DNAH12: variants seen among roughly 807,000 people sequenced by gnomAD.
DNAH12 encodes the protein dynein axonemal heavy chain 12.
In DNAH12, 285 loss-of-function variants were observed where a neutral mutation model predicts 371.5. That is an observed-to-expected ratio of 0.77 (90% CI 0.70 to 0.85). The LOEUF is 0.85. Ranked by LOEUF, DNAH12 falls within the 40% of genes least tolerant of loss-of-function variation. The probability of loss-of-function intolerance (pLI) is 0.00; values close to 1 mark genes in which losing one functional copy is unlikely to be tolerated. For missense variants in DNAH12, 3,611 were observed against 3,689.4 expected (o/e 0.98, Z 0.55); for synonymous variants, 1,200 against 1,213.0 (o/e 0.99, Z 0.22).
chr3:57,502,542 A>T, intron 9 of DNAH12, 63 bp from the exon 10 acceptor site: 1 of 1,450,794 alleles, frequency 6.9e-7, no homozygotes, highest in South Asian at 1.2e-5. Context: ...ATTAATCTAT[A>T]TGTAGATCTT....
intron 35 of DNAH12, among the ~76,000 whole-genome samples, chr3:57,424,470 CAA>C (rs71088068): frequency 2.5e-5 from 3 of 118,344 alleles, no homozygotes; most frequent in Non-Finnish European, 1.7e-5. Context: ...GATTCCATCT[CAA>C]AAAAAAAAAA....
At chr3:57,371,414 G>C (rs1311618839) in intron 55 of DNAH12, among the ~76,000 whole-genome samples, 1 of 151,994 alleles carries the variant, frequency 6.6e-6, no homozygotes, top group East Asian at 1.9e-4. Context: ...CTTTAAAAAT[G>C]TATTTGTATT....
intron 13 of DNAH12, among the ~76,000 whole-genome samples, chr3:57,483,082 C>A (rs2066803633): frequency 8.2e-6 from 1 of 122,024 alleles, no homozygotes; most frequent in Non-Finnish European, 1.7e-5. Flanking sequence ...AATAAAAAAA[C>A]AAAGCTGTGC....
At chr3:57,338,077 A>G (rs547803441) in intron 60 of DNAH12, among the ~76,000 whole-genome samples, 55 of 152,078 alleles carry the variant, frequency 3.6e-4, no homozygotes, top group African/African-American at 1.2e-3. Flanking sequence ...TACTGCCGTG[A>G]TCTTGGCTCG....
At chr3:57,327,512 G>C (rs1001494883) in intron 62 of DNAH12, among the ~76,000 whole-genome samples, 2 of 152,082 alleles carry the variant, frequency 1.3e-5, no homozygotes, top group Non-Finnish European at 2.9e-5. Flanking sequence ...TGAAACCAAC[G>C]AGAACAAAGA....
At chr3:57,316,645 A>C (rs544784815) in intron 65 of DNAH12, among the ~76,000 whole-genome samples, 1 of 152,236 alleles carries the variant, frequency 6.6e-6, no homozygotes, top group South Asian at 2.1e-4. Flanking sequence ...GGAGGGACCT[A>C]TAATCCCTGC....
intron 45 of DNAH12, among the ~76,000 whole-genome samples, chr3:57,389,486 T>A (rs1485101044): frequency 6.6e-6 from 1 of 152,138 alleles, no homozygotes; most frequent in Non-Finnish European, 1.5e-5. Context: ...ATTCACGTTC[T>A]TTCCGTCTTG....
chr3:57,380,284 G>A lies in DNAH12; in HGVS notation c.8076C>T (p.Asn2692=), dbSNP rs2063362171. The change falls in exon 51 of 74, where the codon AAC becomes AAT. Residue 2692 remains asparagine, a synonymous_variant. Transcript: ENST00000495027. ...AAAACCCAATGCAACTCACTGGAAT[G>A]TTGTCCTTGTCATATTCTTTCAAAT... ...LRDLKEYDKD[N]IPVTVMQKIR... is the part of the protein sequence containing the mutation. The A allele has an allele frequency of 6.6e-6, 1 of 152,140 alleles. No homozygotes were observed. The highest frequency in any genetic ancestry group is 1.5e-5 in the Non-Finnish European group (1 of 68,026). 9.4% of individuals were successfully genotyped at this position (152,140 alleles called of 1,614,324 possible). A position where few individuals can be genotyped will look rare whatever the true frequency, so the allele number is the denominator to read the frequency against.
intron 13 of DNAH12, among the ~76,000 whole-genome samples, chr3:57,481,300 C>T (rs371751987): frequency 0.012 from 1,894 of 152,034 alleles, 16 homozygotes; most frequent in Non-Finnish European, 0.018. Context: ...AGCCAAATCA[C>T]GAGTGAACTC....
At chr3:57,550,160 T>G in the DNAH12 span, among the ~76,000 whole-genome samples, 252 of 151,912 alleles carry the variant, frequency 1.7e-3, no homozygotes, top group African/African-American at 5.6e-3. Flanking sequence ...AAAAAAAAGT[T>G]TTTTTAATTA....
chr3:57,437,094 A>G, intron 29 of DNAH12, 34 bp from the exon 30 acceptor site: 1 of 1,341,694 alleles, frequency 7.5e-7, no homozygotes, highest in Non-Finnish European at 1.0e-6. Flanking sequence ...TTTCTACAAC[A>G]CAATATTATA....
intron 29 of DNAH12, among the ~76,000 whole-genome samples, chr3:57,441,690 G>A (rs2065310562): frequency 6.6e-6 from 1 of 152,040 alleles, no homozygotes; most frequent in African/African-American, 2.4e-5. Context: ...TACTTGGGAG[G>A]CTGAGATGGG....
At chr3:57,469,114 C>T (rs2066290436) in intron 16 of DNAH12, 135 bp from the exon 17 acceptor site, 2 of 780,376 alleles carry the variant, frequency 2.6e-6, no homozygotes, top group Non-Finnish European at 3.9e-6. Context: ...TTTTCTCAGG[C>T]ACACAGGTAG....
intron 2 of DNAH12, among the ~76,000 whole-genome samples, chr3:57,528,172 G>T (rs921818956): frequency 9.9e-5 from 15 of 151,812 alleles, no homozygotes; most frequent in African/African-American, 3.6e-4. Flanking sequence ...GGGATTACAG[G>T]CATGCACCAC....
chr3:57,319,590 T>A (rs1439360062), intron 65 of DNAH12, among the ~76,000 whole-genome samples: 2 of 152,172 alleles, frequency 1.3e-5, no homozygotes, highest in Admixed American at 1.3e-4. Context: ...TTTGTTTTGT[T>A]TCTTCCTGAG....
intron 9 of DNAH12, 46 bp from the exon 10 acceptor site, chr3:57,502,525 C>CT: frequency 1.3e-6 from 2 of 1,539,786 alleles, no homozygotes; most frequent in South Asian, 1.2e-5. Flanking sequence ...AAATATCTAA[C>CT]TGTATAATTA....
intron 34 of DNAH12, among the ~76,000 whole-genome samples, chr3:57,427,138 ATGTGTGTGTG>A (rs71088070): frequency 2.2e-5 from 3 of 138,784 alleles, no homozygotes; most frequent in African/African-American, 2.8e-5. Context: ...TAAGAAGCGA[ATGTGTGTGTG>A]TGTGTGTGTG....
chr3:57,340,884 T>C (rs1553655849), intron 60 of DNAH12, among the ~76,000 whole-genome samples: 2 of 152,038 alleles, frequency 1.3e-5, no homozygotes, highest in Non-Finnish European at 1.5e-5. Flanking sequence ...CTGATGAACA[T>C]AAATGCAAAA....
intron 44 of DNAH12, among the ~76,000 whole-genome samples, chr3:57,393,125 CCT>C (rs2063660103): frequency 6.6e-6 from 1 of 152,134 alleles, no homozygotes; most frequent in Non-Finnish European, 1.5e-5. Context: ...GATTCTCAAA[CCT>C]CACAACAACC....
Sources: allele counts gnomAD v4.1 joint callset (sites outside exome capture counted in the v4.1 genomes callset), GRCh38; gene constraint gnomAD v4.1.1; transcripts MANE v1.5; gene names NCBI Gene and HGNC (gene_info 2026-07-23, HGNC 2026-07-21).